The following EPHA6 variants were observed in gnomAD, a reference collection of about 807,000 sequenced individuals.
EPHA6 encodes the protein ephrin type-A receptor 6.
EPHA6 carries 50 observed loss-of-function variants against 112.0 expected under a neutral mutation model. The observed-to-expected ratio is 0.45, with a 90% CI of 0.36 to 0.56. EPHA6 has a LOEUF of 0.56. EPHA6 is among the 20% of genes least tolerant of loss of function. The probability of loss-of-function intolerance (pLI) is 0.00; values close to 1 mark genes in which losing one functional copy is unlikely to be tolerated. For missense variants in EPHA6, 1,280 were observed against 1,417.4 expected, an observed-to-expected ratio of 0.90 and a Z score of 1.56; for synonymous variants, 529 against 490.7, an observed-to-expected ratio of 1.08 and a Z score of -1.03.
chr3:97,401,191 T>A (rs2086970830), intron 5 of EPHA6, among the ~76,000 whole-genome samples: 1 of 151,746 alleles, frequency 6.6e-6, no homozygotes, highest in Non-Finnish European at 1.5e-5. Context: ...TTTTTGTCCT[T>A]CATTCTGTTG....
intron 2 of EPHA6, among the ~76,000 whole-genome samples, chr3:96,905,016 A>G (rs1316268336): frequency 1.3e-5 from 2 of 152,156 alleles, no homozygotes; most frequent in Admixed American, 1.3e-4. Flanking sequence ...AATGGTAGCC[A>G]TATATTCTTT....
intron 6 of EPHA6, among the ~76,000 whole-genome samples, chr3:97,446,731 G>A (rs2090358058): frequency 6.6e-6 from 1 of 152,042 alleles, no homozygotes; most frequent in Admixed American, 6.6e-5. Flanking sequence ...AGAAATTCCT[G>A]CCAGAAACAA....
At chr3:97,738,334 T>C (rs769527249) in intron 16 of EPHA6, among the ~76,000 whole-genome samples, 11 of 152,058 alleles carry the variant, frequency 7.2e-5, no homozygotes, top group Non-Finnish European at 1.6e-4. Context: ...ATCTATAAAC[T>C]GAAATCCTTT....
At chr3:97,614,428 G>A (rs565962229) in intron 13 of EPHA6, among the ~76,000 whole-genome samples, 63 of 148,618 alleles carry the variant, frequency 4.2e-4, no homozygotes, top group Admixed American at 2.0e-3. Context: ...TCCGCCTCCC[G>A]GGTTCAAGTG....
chr3:97,604,053 C>G (rs1234300549), intron 12 of EPHA6, among the ~76,000 whole-genome samples: 2 of 151,788 alleles, frequency 1.3e-5, no homozygotes, highest in Non-Finnish European at 2.9e-5. Flanking sequence ...GTTCTATTCT[C>G]TGTTTTAAAC....
intron 5 of EPHA6, among the ~76,000 whole-genome samples, chr3:97,373,901 C>A (rs1243275138): frequency 1.3e-5 from 2 of 152,042 alleles, no homozygotes; most frequent in African/African-American, 2.4e-5. Flanking sequence ...GAAGCCCTTG[C>A]TGGATATATA....
intron 6 of EPHA6, among the ~76,000 whole-genome samples, chr3:97,421,597 C>G (rs1298816072): frequency 6.6e-6 from 1 of 152,070 alleles, no homozygotes; most frequent in Non-Finnish European, 1.5e-5. Context: ...AAAATTCTAG[C>G]AGATCTCTTT....
At chr3:97,404,359 C>T (rs1464255008) in intron 5 of EPHA6, among the ~76,000 whole-genome samples, 4 of 152,090 alleles carry the variant, frequency 2.6e-5, no homozygotes, top group East Asian at 1.9e-4. Flanking sequence ...TGAGAAATGG[C>T]GTATCAATGT....
At chr3:97,290,083 G>C (rs1298372434) in intron 5 of EPHA6, among the ~76,000 whole-genome samples, 1 of 151,862 alleles carries the variant, frequency 6.6e-6, no homozygotes, top group Non-Finnish European at 1.5e-5. Context: ...ATTTTAGCTG[G>C]GCATTTAGTA....
At chr3:97,283,605 G>T (rs1043595555) in intron 5 of EPHA6, among the ~76,000 whole-genome samples, 2 of 152,046 alleles carry the variant, frequency 1.3e-5, no homozygotes, top group East Asian at 3.9e-4. Context: ...GAGCCTTTCA[G>T]GGGGGTGAGG....
intron 12 of EPHA6, among the ~76,000 whole-genome samples, chr3:97,603,670 G>A (rs567505736): frequency 1.3e-5 from 2 of 151,956 alleles, no homozygotes; most frequent in South Asian, 2.1e-4. Context: ...ATACAACATA[G>A]ATTGTTAATG....
intron 2 of EPHA6, among the ~76,000 whole-genome samples, chr3:96,904,681 A>G (rs1575987825): frequency 1.3e-5 from 2 of 152,070 alleles, no homozygotes; most frequent in East Asian, 1.9e-4. Context: ...GGGAGACTGC[A>G]TTAACAACTC....
intron 6 of EPHA6, among the ~76,000 whole-genome samples, chr3:97,425,164 C>T (rs977296749): frequency 1.6e-4 from 25 of 152,260 alleles, no homozygotes; most frequent in South Asian, 4.1e-4. Flanking sequence ...GTGGATCTGC[C>T]GTTCGGGTCT....
chr3:97,300,398 C>T (rs895547291), intron 5 of EPHA6, among the ~76,000 whole-genome samples: 1 of 152,110 alleles, frequency 6.6e-6, no homozygotes, highest in African/African-American at 2.4e-5. Context: ...TCAGATATTA[C>T]TCTTGACTTT....
intron 3 of EPHA6, among the ~76,000 whole-genome samples, chr3:97,171,695 G>A (rs891529203): frequency 6.6e-6 from 1 of 151,960 alleles, no homozygotes; most frequent in Non-Finnish European, 1.5e-5. Context: ...AGTTAGTGGG[G>A]AGGAAGAAAA....
chr3:96,858,137 G>T (rs978421528), intron 1 of EPHA6, among the ~76,000 whole-genome samples: 1 of 152,108 alleles, frequency 6.6e-6, no homozygotes, highest in Non-Finnish European at 1.5e-5. Context: ...TAACAAGAGA[G>T]ACTCAAAAGT....
At position 97,379,117 on chromosome 3, in the gene EPHA6, G is replaced by A. The variant is rs770168373; in HGVS notation, c.1607-26033G>A. Among the ~76,000 whole-genome samples the A allele has an allele frequency of 7.2e-5, 11 of 152,082 alleles. No individual in the cohort carries two copies. In the East Asian group the frequency reaches 1.9e-3, roughly 27 times the overall value. ...AGTGGGAGATAATTTGAATCATGGG[G>A]GTGGCTTCCCCCATATTGTTGTCAA... On this transcript the variant is annotated intron_variant, in intron 5 of 17. Coordinates refer to ENST00000389672, the MANE Select transcript of EPHA6 (RefSeq NM_001080448.3).
At chr3:97,175,760 A>C (rs562158298) in intron 3 of EPHA6, among the ~76,000 whole-genome samples, 1 of 151,978 alleles carries the variant, frequency 6.6e-6, no homozygotes, top group Admixed American at 6.6e-5. Flanking sequence ...ACTTTACTGA[A>C]TTTATCACTT....
At chr3:97,355,983 A>G (rs942358956) in intron 5 of EPHA6, among the ~76,000 whole-genome samples, 8 of 152,200 alleles carry the variant, frequency 5.3e-5, no homozygotes, top group African/African-American at 1.9e-4. Flanking sequence ...AAGAGGATGC[A>G]ACAATTGTAA....
Sources: gnomAD v4.1 joint callset for allele counts (sites outside exome capture counted in the v4.1 genomes callset) on GRCh38, gnomAD v4.1.1 for gene constraint, MANE v1.5 for transcripts, NCBI Gene and HGNC (gene_info 2026-07-23, HGNC 2026-07-21) for gene names.